The following SSBP2 variants were observed in gnomAD, a reference collection of about 807,000 sequenced individuals.
The protein encoded by SSBP2 is single-stranded DNA-binding protein 2.
In SSBP2, 17 loss-of-function variants were observed where a neutral mutation model predicts 61.8. The observed-to-expected ratio is 0.28, with a 90% CI of 0.19 to 0.41. The LOEUF (loss-of-function observed/expected upper bound fraction) is 0.41. SSBP2 is among the 10% of genes least tolerant of loss of function. The pLI, the probability that SSBP2 is intolerant of heterozygous loss-of-function variation, is 1.00. For missense variants in SSBP2, 310 were observed against 458.7 expected (o/e 0.68, Z 2.96); for synonymous variants, 139 against 141.3 (o/e 0.98, Z 0.12).
At chr5:81,624,400 C>A (rs895676230) in intron 3 of SSBP2, among the ~76,000 whole-genome samples, 1 of 152,076 alleles carries the variant, frequency 6.6e-6, no homozygotes, top group Non-Finnish European at 1.5e-5. Context: ...ATCTGAAATT[C>A]TTGGGACCAG....
chr5:81,516,593 C>T (rs147415909), intron 4 of SSBP2, among the ~76,000 whole-genome samples: 49 of 152,156 alleles, frequency 3.2e-4, no homozygotes, highest in African/African-American at 1.2e-3. Context: ...TATTCCCTCT[C>T]TACTGTATTA....
chr5:81,735,772 T>C (rs532316051), intron 1 of SSBP2, among the ~76,000 whole-genome samples: 13 of 152,242 alleles, frequency 8.5e-5, no homozygotes, highest in African/African-American at 3.1e-4. Context: ...AACTTCCCTA[T>C]TGACAGAGCA....
At chr5:81,465,818 A>C (rs969624361) in intron 9 of SSBP2, among the ~76,000 whole-genome samples, 1 of 152,064 alleles carries the variant, frequency 6.6e-6, no homozygotes, top group South Asian at 2.1e-4. Context: ...GAATTTAAGA[A>C]GAGTCGGATT....
chr5:81,676,271 A>G (rs975281031), intron 1 of SSBP2, among the ~76,000 whole-genome samples: 1 of 152,158 alleles, frequency 6.6e-6, no homozygotes, highest in Admixed American at 6.6e-5. Context: ...CACTGTCACT[A>G]TTATAATAGT....
chr5:81,662,981 T>A (rs997092596), intron 1 of SSBP2, among the ~76,000 whole-genome samples: 4 of 152,284 alleles, frequency 2.6e-5, no homozygotes, highest in Admixed American at 6.5e-5. Flanking sequence ...TACTTAAGTG[T>A]CTAATTACAG....
intron 2 of SSBP2, among the ~76,000 whole-genome samples, chr5:81,648,889 ATAT>A (rs1749495499): frequency 6.6e-6 from 1 of 152,094 alleles, no homozygotes; most frequent in Admixed American, 6.6e-5. Context: ...TATAGGCAAA[ATAT>A]TATCACTTCA....
At chr5:81,449,151 A>G (rs926144448) in intron 10 of SSBP2, among the ~76,000 whole-genome samples, 3 of 152,184 alleles carry the variant, frequency 2.0e-5, no homozygotes, top group Non-Finnish European at 4.4e-5. Flanking sequence ...GTATCTAAAA[A>G]TGGGAAACCA....
At chr5:81,630,743 G>A (rs1433194432) in intron 3 of SSBP2, among the ~76,000 whole-genome samples, 8 of 148,766 alleles carry the variant, frequency 5.4e-5, no homozygotes, top group Non-Finnish European at 1.0e-4. Flanking sequence ...AAGCTGCACC[G>A]TCTGACAGCT....
rs201691914 is a variant in SSBP2, at chr5:81,551,970, TA to T, written c.283-38254del. ...GAAGAGGCTATTTTCAGAAAACATT[TA>T]ATTGAATCATAAAAGGTATCAGTGT... On this transcript the variant is annotated intron_variant, in intron 4 of 16. Coordinates refer to ENST00000320672, the MANE Select transcript of SSBP2 (RefSeq NM_012446.5). 7.7e-3 allele frequency among the ~76,000 whole-genome samples: 1,178 copies of T among 152,338 alleles called. 11 individuals carry two copies. Among genetic ancestry groups the T allele is most frequent in the African/African-American group, 0.027 (1,103 of 41,576 alleles).
chr5:81,476,248 T>C (rs1374680750), intron 6 of SSBP2, among the ~76,000 whole-genome samples: 7 of 152,218 alleles, frequency 4.6e-5, no homozygotes, highest in African/African-American at 1.7e-4. Flanking sequence ...GAAATCAACA[T>C]TGACAGCAAC....
intron 4 of SSBP2, among the ~76,000 whole-genome samples, chr5:81,543,197 C>T (rs1387001453): frequency 6.6e-6 from 1 of 152,068 alleles, no homozygotes; most frequent in Non-Finnish European, 1.5e-5. Flanking sequence ...AAGAAGGTGC[C>T]TACTTCCCCT....
At chr5:81,469,652 C>T (rs368473306) in intron 8 of SSBP2, among the ~76,000 whole-genome samples, 2 of 151,918 alleles carry the variant, frequency 1.3e-5, no homozygotes, top group East Asian at 3.9e-4. Context: ...GCCTGGCACA[C>T]AGTAGGCCTT....
At chr5:81,510,055 T>C (rs1271496183) in intron 5 of SSBP2, among the ~76,000 whole-genome samples, 2 of 152,224 alleles carry the variant, frequency 1.3e-5, no homozygotes, top group Non-Finnish European at 2.9e-5. Context: ...GTGTTTTTTG[T>C]AGTTCAGTTG....
chr5:81,516,662 TA>T (rs1402288236), intron 4 of SSBP2, among the ~76,000 whole-genome samples: 2 of 152,080 alleles, frequency 1.3e-5, no homozygotes, highest in Non-Finnish European at 2.9e-5. Context: ...CATATACTGA[TA>T]ATAAACGCTA....
chr5:81,426,686 T>A (rs1388529937), intron 16 of SSBP2, among the ~76,000 whole-genome samples: 1 of 152,252 alleles, frequency 6.6e-6, no homozygotes, highest in East Asian at 1.9e-4. Flanking sequence ...GTTCTCCACA[T>A]CCTGGCATAT....
intron 15 of SSBP2, among the ~76,000 whole-genome samples, chr5:81,429,806 A>G (rs903137841): frequency 6.6e-6 from 1 of 152,198 alleles, no homozygotes; most frequent in Non-Finnish European, 1.5e-5. Flanking sequence ...AAATGGTTAA[A>G]ATGTAAAGCA....
At chr5:81,542,854 C>CTCTCTCTCA (rs1771404158) in intron 4 of SSBP2, among the ~76,000 whole-genome samples, 1 of 54,128 alleles carries the variant, frequency 1.8e-5, no homozygotes. Context: ...TCTCTCTCTC[C>CTCTCTCTCA]TTTCTTTCTT....
At chr5:81,635,064 T>C (rs183678881) in intron 3 of SSBP2, among the ~76,000 whole-genome samples, 34 of 152,344 alleles carry the variant, frequency 2.2e-4, no homozygotes, top group Non-Finnish European at 4.4e-4. Context: ...TACAAGACAC[T>C]GAGTAAGTAT....
intron 15 of SSBP2, among the ~76,000 whole-genome samples, chr5:81,435,184 A>G (rs775048314): frequency 1.3e-5 from 2 of 152,208 alleles, no homozygotes; most frequent in Non-Finnish European, 2.9e-5. Flanking sequence ...ATTTAAATGC[A>G]TATTAACTTT....
Sources: gnomAD v4.1 joint callset for allele counts (sites outside exome capture counted in the v4.1 genomes callset) on GRCh38, gnomAD v4.1.1 for gene constraint, MANE v1.5 for transcripts, NCBI Gene and HGNC (gene_info 2026-07-23, HGNC 2026-07-21) for gene names.